KIRREL3: variants seen among roughly 807,000 people sequenced by gnomAD.
The protein encoded by KIRREL3 is kin of IRRE-like protein 3.
KIRREL3 carries 36 observed loss-of-function variants against 89.7 expected under a neutral mutation model. That is an observed-to-expected ratio of 0.40 (90% CI 0.31 to 0.53). KIRREL3 has a LOEUF of 0.53. KIRREL3 is among the 20% of genes least tolerant of loss of function. The probability of loss-of-function intolerance (pLI) is 0.49; values close to 1 mark genes in which losing one functional copy is unlikely to be tolerated. For missense variants in KIRREL3, 864 were observed against 1,056.6 expected (o/e 0.82, Z 2.53); for synonymous variants, 445 against 441.4 (o/e 1.01, Z -0.10).
At position 126,655,870 on chromosome 11, in the gene KIRREL3, C is replaced by G. The variant is rs1379172971; in HGVS notation, c.56-92958G>C. On this transcript the variant is annotated intron_variant, in intron 1 of 16. Coordinates refer to ENST00000525144, the MANE Select transcript of KIRREL3 (RefSeq NM_032531.4). This position sits in a 1 kb window ranked among gnomAD's most constrained non-coding sequence, Gnocchi z 5.0. ...AACAGTCAGTTCTTGTCTGGCTTTC[C>G]AGGACAACGTGACTTTCTCTTATTT... is the stretch of plus-strand genomic sequence containing the variant. 2.0e-5 allele frequency among the ~76,000 whole-genome samples: 3 copies of G among 152,028 alleles called. No individual in the cohort carries two copies. Among genetic ancestry groups the G allele is most frequent in the African/African-American group, 7.3e-5 (3 of 41,362 alleles).
At chr11:126,790,349 A>G (rs777996589) in intron 1 of KIRREL3, among the ~76,000 whole-genome samples, 1 of 152,200 alleles carries the variant, frequency 6.6e-6, no homozygotes, top group Non-Finnish European at 1.5e-5. Flanking sequence ...GGATTCCCAG[A>G]CAAAAGCATA....
intron 1 of KIRREL3, among the ~76,000 whole-genome samples, chr11:126,626,148 C>T (rs1943775808): frequency 6.6e-6 from 1 of 152,136 alleles, no homozygotes; most frequent in African/African-American, 2.4e-5. Flanking sequence ...TTTCTATAGT[C>T]CTGGGTCTAG....
intron 1 of KIRREL3, among the ~76,000 whole-genome samples, chr11:126,707,242 A>G (rs887288880): frequency 7.3e-5 from 9 of 123,196 alleles, no homozygotes; most frequent in African/African-American, 2.9e-4. Context: ...CACCTTGTCC[A>G]TGGCTTTTTT....
At chr11:126,911,116 G>A (rs1400109874) in intron 1 of KIRREL3, among the ~76,000 whole-genome samples, 1 of 152,160 alleles carries the variant, frequency 6.6e-6, no homozygotes, top group Non-Finnish European at 1.5e-5. Flanking sequence ...CAGCCCCAAG[G>A]TTCAAGGGAT....
chr11:126,521,262 G>A lies in KIRREL3; in HGVS notation c.433+53C>T. 6.8e-7 allele frequency: 1 copy of A among 1,463,484 alleles called. No individual in the cohort carries two copies. The highest frequency in any genetic ancestry group is 9.1e-7 in the Non-Finnish European group (1 of 1,098,806). The allele number at this position is 1,463,484 out of a possible 1,614,324, so 90.7% of individuals were successfully genotyped here. ...ACCAAAAAAATACCCTCTTGGAGCT[G>A]AGCCCTTGGTGCTTCACGCAGTGTC... On this transcript the variant is annotated intron_variant, in intron 4 of 16. Transcript: ENST00000525144. This position sits in a 1 kb window ranked among gnomAD's most constrained non-coding sequence, Gnocchi z 4.1.
At position 126,608,027 on chromosome 11, in the gene KIRREL3, C is replaced by T. The variant is rs141490771; in HGVS notation, c.56-45115G>A. The stretch of plus-strand genomic sequence containing the variant: ...CTTTCTCATCATCTCCCGTGCCTGC[C>T]GTGCTGTCTCTTACCAACCCAGGAG... On this transcript the variant is annotated intron_variant, in intron 1 of 16. Transcript: ENST00000525144. This position sits in a 1 kb window ranked among gnomAD's most constrained non-coding sequence, Gnocchi z 4.9. 1.2e-3 allele frequency among the ~76,000 whole-genome samples: 185 copies of T among 152,318 alleles called. No individual in the cohort carries two copies. The highest frequency in any genetic ancestry group is 6.8e-3 in the Middle Eastern group (2 of 294).
rs1379064840 is a variant in KIRREL3, at chr11:126,541,278, G to A, written c.134-14591C>T. ...TGCCTCTGCCACCTCTTAGCTGTGTGCCCTTGGGCCTGACTCTTTAACTAA... is the reference window on the plus strand; with the variant it reads ...TGCCTCTGCCACCTCTTAGCTGTGTACCCTTGGGCCTGACTCTTTAACTAA... On this transcript the variant is annotated intron_variant, in intron 2 of 16. Transcript: ENST00000525144. This position sits in a 1 kb window ranked among gnomAD's most constrained non-coding sequence, Gnocchi z 4.8. Among the ~76,000 whole-genome samples, 1 of 152,158 alleles carries A rather than the reference G, an allele frequency of 6.6e-6. No individual in the cohort carries two copies. Among genetic ancestry groups the A allele is most frequent in the Non-Finnish European group, 1.5e-5 (1 of 68,036 alleles).
intron 4 of KIRREL3, among the ~76,000 whole-genome samples, chr11:126,512,583 G>A (rs1958260055): frequency 6.6e-6 from 1 of 152,190 alleles, no homozygotes; most frequent in Non-Finnish European, 1.5e-5. Flanking sequence ...GCATGTTATA[G>A]GAAGGGGCTT....
upstream of KIRREL3, among the ~76,000 whole-genome samples, chr11:127,002,045 T>C (rs1950324629): frequency 6.6e-6 from 1 of 152,200 alleles, no homozygotes; most frequent in South Asian, 2.1e-4. Flanking sequence ...CCTCTTTCAG[T>C]AGTAGCACAT....
At position 126,647,448 on chromosome 11, in the gene KIRREL3, C is replaced by T. The variant is rs1944732801; in HGVS notation, c.56-84536G>A. ...TAATCAAATTCAACCCCACCCCTCTCACCAGGGTCCAAGTTATTTGAATAC... is the reference window on the plus strand; with the variant it reads ...TAATCAAATTCAACCCCACCCCTCTTACCAGGGTCCAAGTTATTTGAATAC... On this transcript the variant is annotated intron_variant, in intron 1 of 16. Coordinates refer to ENST00000525144, the MANE Select transcript of KIRREL3 (RefSeq NM_032531.4). The surrounding 1 kb of genome is among the most constrained non-coding windows in gnomAD (Gnocchi z 4.9). 6.6e-6 allele frequency among the ~76,000 whole-genome samples: 1 copy of T among 152,220 alleles called. No homozygotes were observed. Among genetic ancestry groups the T allele is most frequent in the East Asian group, 1.9e-4 (1 of 5,206 alleles).
chr11:126,451,239 ATG>A (rs565017597), intron 7 of KIRREL3, among the ~76,000 whole-genome samples: 3 of 123,118 alleles, frequency 2.4e-5, no homozygotes, highest in African/African-American at 6.4e-5. Context: ...GCATGTGTAC[ATG>A]TGTGAGCATG....
rs1944757718 is a variant in KIRREL3, at chr11:126,647,979, G to GT, written c.56-85068dup. On this transcript the variant is annotated intron_variant, in intron 1 of 16. Transcript: ENST00000525144. This position sits in a 1 kb window ranked among gnomAD's most constrained non-coding sequence, Gnocchi z 4.9. The stretch of plus-strand genomic sequence containing the variant: ...ATTTGTGTCCCCACCCAAATGTCAT[G>GT]TCATATTGTAATCCCCAGTGTTGGA... 6.6e-6 allele frequency among the ~76,000 whole-genome samples: 1 copy of GT among 152,154 alleles called. No individual in the cohort carries two copies. The highest frequency in any genetic ancestry group is 2.4e-5 in the African/African-American group (1 of 41,436).
intron 2 of KIRREL3, among the ~76,000 whole-genome samples, chr11:126,547,464 C>T (rs1463759504): frequency 1.3e-5 from 2 of 152,220 alleles, no homozygotes; most frequent in East Asian, 3.8e-4. Context: ...CGCGTGATCC[C>T]TCCTCCCCCG....
intron 1 of KIRREL3, among the ~76,000 whole-genome samples, chr11:126,933,029 T>G (rs1332732435): frequency 6.6e-6 from 1 of 152,224 alleles, no homozygotes; most frequent in Admixed American, 6.5e-5. Flanking sequence ...AAGGCCTTCT[T>G]GGCTGTTCAA....
chr11:126,504,698 A>G lies in KIRREL3; in HGVS notation c.433+16617T>C, dbSNP rs1957968449. ...CCTGATACTAAAGCCAGACAGACATAATAAGAAAAGAGAACTATAGACTAT... is the reference window on the plus strand; with the variant it reads ...CCTGATACTAAAGCCAGACAGACATGATAAGAAAAGAGAACTATAGACTAT... On this transcript the variant is annotated intron_variant, in intron 4 of 16. Transcript: ENST00000525144. Among the ~76,000 whole-genome samples the G allele has an allele frequency of 2.0e-5, 3 of 152,224 alleles. No individual in the cohort carries two copies. The South Asian group carries it at 6.2e-4, about 32-fold the overall frequency.
rs1357767698 is a variant in KIRREL3, at chr11:126,796,526, A to T, written c.55+203929T>A. On this transcript the variant is annotated intron_variant, in intron 1 of 16. Coordinates refer to ENST00000525144, the MANE Select transcript of KIRREL3 (RefSeq NM_032531.4). The surrounding 1 kb of genome is among the most constrained non-coding windows in gnomAD (Gnocchi z 5.1). ...AAAGCCTCCAGTATCTGCTGCTGAC[A>T]TCTGAAATTCCCCTCCTTCCTCATG... 6.6e-6 allele frequency among the ~76,000 whole-genome samples: 1 copy of T among 152,154 alleles called. No individual in the cohort carries two copies. Among genetic ancestry groups the T allele is most frequent in the East Asian group, 1.9e-4 (1 of 5,190 alleles).
chr11:126,598,248 G>T (rs999253049), intron 1 of KIRREL3, among the ~76,000 whole-genome samples: 3 of 152,216 alleles, frequency 2.0e-5, no homozygotes, highest in Admixed American at 6.5e-5. Flanking sequence ...GAAGTGGAAA[G>T]AATTTTGGAT....
At position 126,755,943 on chromosome 11, in the gene KIRREL3, G is replaced by A. The variant is rs576360645; in HGVS notation, c.56-193031C>T. Reference sequence around the variant, plus strand: ...AGCACCTAATTTTGGAAACTCACTCGTAATTTCAATCACATCTAGGTGTTA... The same window carrying A: ...AGCACCTAATTTTGGAAACTCACTCATAATTTCAATCACATCTAGGTGTTA... On this transcript the variant is annotated intron_variant, in intron 1 of 16. Coordinates refer to ENST00000525144, the MANE Select transcript of KIRREL3 (RefSeq NM_032531.4). The surrounding 1 kb of genome is among the most constrained non-coding windows in gnomAD (Gnocchi z 4.3). 6.6e-5 allele frequency among the ~76,000 whole-genome samples: 10 copies of A among 151,864 alleles called. No homozygotes were observed. Among genetic ancestry groups the A allele is most frequent in the Non-Finnish European group, 1.2e-4 (8 of 68,002 alleles).
chr11:126,468,306 G>A (rs1345700385), intron 5 of KIRREL3, among the ~76,000 whole-genome samples: 1 of 152,238 alleles, frequency 6.6e-6, no homozygotes, highest in Non-Finnish European at 1.5e-5. Flanking sequence ...GACAGCCCAG[G>A]GTTGAGTCTC....
Sources: gnomAD v4.1 joint callset for allele counts (sites outside exome capture counted in the v4.1 genomes callset) on GRCh38, gnomAD v4.1.1 for gene constraint, Gnocchi (gnomAD v3.1) non-coding constraint, MANE v1.5 for transcripts, NCBI Gene and HGNC (gene_info 2026-07-23, HGNC 2026-07-21) for gene names.